The following TTK variants were observed in gnomAD, a reference collection of about 807,000 sequenced individuals.
TTK encodes dual specificity protein kinase TTK.
Under a neutral mutation model 117.3 loss-of-function variants are expected in TTK, and 59 were observed. The ratio of observed to expected loss-of-function variants is 0.50; its 90% CI spans 0.41 to 0.62. The LOEUF (loss-of-function observed/expected upper bound fraction) is 0.62, where lower values mean the gene tolerates loss of function less well. Among genes scored for constraint, TTK ranks in the 20% least tolerant of loss-of-function variants. The probability of loss-of-function intolerance (pLI) is 0.00; values close to 1 mark genes in which losing one functional copy is unlikely to be tolerated. For synonymous variants in TTK, 302 were observed against 325.0 expected (o/e 0.93, Z 0.76); for missense variants, 921 against 989.4 (o/e 0.93, Z 0.93).
intron 21 of TTK, among the ~76,000 whole-genome samples, chr6:80,041,055 T>C (rs888709572): frequency 6.6e-6 from 1 of 151,802 alleles, no homozygotes; most frequent in Non-Finnish European, 1.5e-5. Context: ...AGTTTTTTCC[T>C]TAGAGACATT....
At chr6:80,023,811 G>T (rs1307207448) in intron 11 of TTK, among the ~76,000 whole-genome samples, 1 of 152,000 alleles carries the variant, frequency 6.6e-6, no homozygotes, top group Non-Finnish European at 1.5e-5. Flanking sequence ...TACAGTCTCT[G>T]GAAAACTCCT....
chr6:80,013,410 C>T, intron 9 of TTK, 44 bp downstream of exon 9: 2 of 1,476,042 alleles, frequency 1.4e-6, no homozygotes, highest in Non-Finnish European at 1.9e-6. Flanking sequence ...GGTTCCTGAT[C>T]TGGGAGGATC....
chr6:80,037,180 A>T (rs1003045248), intron 17 of TTK, among the ~76,000 whole-genome samples: 6 of 152,158 alleles, frequency 3.9e-5, no homozygotes, highest in Non-Finnish European at 7.4e-5. Context: ...TGGAACCAAG[A>T]TGATATGTTC....
intron 19 of TTK, 22 bp downstream of exon 19, chr6:80,039,894 T>C (rs1210336171): frequency 6.9e-7 from 1 of 1,448,272 alleles, no homozygotes; most frequent in East Asian, 2.6e-5. Context: ...TTCATGTAAC[T>C]AATTATTTAC....
At position 80,040,289 on chromosome 6, in the gene TTK, T is replaced by A. The variant is rs138798852; in HGVS notation, c.2392+9T>A. On this transcript the variant is annotated intron_variant, in intron 20 of 21. Transcript: ENST00000369798. ...AATTCAAACTCATCCAGGTACTACTTCTTTAAAAATTTGTTTATTACTAGA... is the reference window on the plus strand; with the variant it reads ...AATTCAAACTCATCCAGGTACTACTACTTTAAAAATTTGTTTATTACTAGA... The A allele has an allele frequency of 9.5e-3, 14,840 of 1,565,432 alleles. 111 individuals are homozygous for A. Among genetic ancestry groups the A allele is most frequent in the South Asian group, 0.014 (1,110 of 80,056 alleles).
At chr6:80,008,284 A>G in intron 3 of TTK, 102 bp from the exon 4 acceptor site, 1 of 1,196,510 alleles carries the variant, frequency 8.4e-7, no homozygotes, top group Non-Finnish European at 1.2e-6. Flanking sequence ...ACCCACAGAA[A>G]AAAGCAATAT....
At position 80,008,428 on chromosome 6, in the gene TTK, C is replaced by G. The variant is rs1036408059; in HGVS notation, c.405C>G (p.Ala135=). Residue 135 remains alanine, a synonymous_variant, in exon 4 of 22, where the codon GCC becomes GCG. Transcript: ENST00000369798. Reference sequence around the variant, plus strand: ...ATGCACGTGACTACTTTCAAATGGCCAGAGCAAACTGCAAGAAATTTGCTT... The same window carrying G: ...ATGCACGTGACTACTTTCAAATGGCGAGAGCAAACTGCAAGAAATTTGCTT... ...PDDARDYFQM[A]RANCKKFAFV... 1.4e-5 allele frequency: 22 copies of G among 1,612,180 alleles called. No individual in the cohort carries two copies. In the East Asian group the frequency reaches 4.9e-4, roughly 36 times the overall value.
intron 12 of TTK, 114 bp downstream of exon 12, chr6:80,026,628 C>T (rs1767615471): frequency 7.0e-7 from 1 of 1,418,652 alleles, no homozygotes; most frequent in Non-Finnish European, 9.6e-7. Context: ...AAAGACTTTC[C>T]ATCTTCATAT....
intron 10 of TTK, among the ~76,000 whole-genome samples, chr6:80,019,163 G>A (rs1372932951): frequency 6.6e-6 from 1 of 152,234 alleles, no homozygotes; most frequent in East Asian, 1.9e-4. Context: ...TATTGTTGAG[G>A]CGTTTTGTTT....
intron 10 of TTK, among the ~76,000 whole-genome samples, chr6:80,021,670 A>G (rs1235957543): frequency 6.6e-6 from 1 of 152,090 alleles, no homozygotes; most frequent in Non-Finnish European, 1.5e-5. Context: ...TCTTGTTGTG[A>G]TAGTTATATT....
intron 10 of TTK, among the ~76,000 whole-genome samples, chr6:80,015,122 G>A (rs1429453867): frequency 2.6e-5 from 4 of 152,180 alleles, no homozygotes; most frequent in Admixed American, 1.3e-4. Flanking sequence ...AACTAATTTG[G>A]TTTAGGAGAA....
At position 80,042,363 on chromosome 6, in the gene TTK, G is replaced by A. The variant is rs906364957; in HGVS notation, c.*161G>A. 2 of 493,968 alleles carry A rather than the reference G, an allele frequency of 4.0e-6. No homozygotes were observed. The highest frequency in any genetic ancestry group is 6.9e-5 in the Admixed American group (2 of 28,992). The allele number at this position is 493,968 out of a possible 1,614,324, so 30.6% of individuals were successfully genotyped here. A position where few individuals can be genotyped will look rare whatever the true frequency, so the allele number is the denominator to read the frequency against. ...TCTTTAAAAGAAAACTGTAAAAATA[G>A]CAACCACTTATGGCACTGTATATAT... On this transcript the variant is annotated 3_prime_UTR_variant, in exon 22 of 22. Transcript: ENST00000369798.
chr6:80,035,153 T>C lies in TTK; in HGVS notation c.1772+11T>C. ...CCGACTTTATGATTAGTAAGAATTC[T>C]TTTTAAATTTAAAAAGAAAACTTTT... On this transcript the variant is annotated intron_variant, in intron 15 of 21. Coordinates refer to ENST00000369798, the MANE Select transcript of TTK (RefSeq NM_003318.5). 1.3e-6 allele frequency: 2 copies of C among 1,544,484 alleles called. No individual in the cohort carries two copies. Among genetic ancestry groups the C allele is most frequent in the Non-Finnish European group, 1.7e-6 (2 of 1,150,888 alleles).
intron 11 of TTK, 125 bp downstream of exon 11, chr6:80,022,597 A>G (rs1342263460): frequency 1.1e-5 from 12 of 1,113,076 alleles, no homozygotes; most frequent in Non-Finnish European, 1.5e-5. Context: ...GTTTATTTAA[A>G]GGTTTTTAAA....
chr6:80,010,824 A>T lies in TTK; in HGVS notation c.480A>T (p.Lys160Asn). The T allele has an allele frequency of 6.2e-7, 1 of 1,610,286 alleles. No homozygotes were observed. The highest frequency in any genetic ancestry group is 8.5e-7 in the Non-Finnish European group (1 of 1,177,574). Residue 160 changes from lysine (K) to asparagine (N), a missense_variant, in exon 5 of 22, where the codon AAA becomes AAT. Coordinates refer to ENST00000369798, the MANE Select transcript of TTK (RefSeq NM_003318.5). ...AQFELSQGNV[K>N]KSKQLLQKAV... ...CTTTTGCTTTGTTAGGTAATGTCAA[A>T]AAAAGTAAACAACTTCTTCAAAAAG...
intron 11 of TTK, 83 bp from the exon 12 acceptor site, chr6:80,026,295 T>A (rs1310089330): frequency 3.6e-6 from 5 of 1,395,324 alleles, no homozygotes; most frequent in Non-Finnish European, 4.8e-6. Context: ...TTATTTTATT[T>A]TAAAAGTTAT....
At position 80,035,253 on chromosome 6, in the gene TTK, T is replaced by C; in HGVS notation, c.1773-13T>C. 1 of 1,573,058 alleles carries C rather than the reference T, an allele frequency of 6.4e-7. No individual in the cohort carries two copies. Among genetic ancestry groups the C allele is most frequent in the Non-Finnish European group, 8.6e-7 (1 of 1,163,724 alleles). On this transcript the variant is annotated splice_polypyrimidine_tract_variant and intron_variant, in intron 15 of 21. Coordinates refer to ENST00000369798, the MANE Select transcript of TTK (RefSeq NM_003318.5). Reference sequence around the variant, plus strand: ...CATTTATTGTTTTGTTGCTTTTATTTGTTTAATTGCAGTGAAATCACGGAC... The same window carrying C: ...CATTTATTGTTTTGTTGCTTTTATTCGTTTAATTGCAGTGAAATCACGGAC...
chr6:80,034,018 G>A (rs1002505366), intron 14 of TTK, among the ~76,000 whole-genome samples: 2 of 152,040 alleles, frequency 1.3e-5, no homozygotes, highest in Non-Finnish European at 2.9e-5. Flanking sequence ...TATAATGAAG[G>A]TGTAAGCTTA....
In TTK at chr6:80,036,400, C is replaced by T. The variant is rs1207345972; in HGVS notation, c.1925-75C>T. ...AATTGAAGGAATAAATACAGCTTGA[C>T]CTGTAGACTGTGAATTTTTTGGTCC... On this transcript the variant is annotated intron_variant, in intron 16 of 21. Coordinates refer to ENST00000369798, the MANE Select transcript of TTK (RefSeq NM_003318.5). 16 of 1,503,532 alleles carry T rather than the reference C, an allele frequency of 1.1e-5. 1 individual carries two copies. 93.1% of individuals were successfully genotyped at this position (1,503,532 alleles called of 1,614,324 possible).
Sources: allele counts gnomAD v4.1 joint callset (sites outside exome capture counted in the v4.1 genomes callset), GRCh38; gene constraint gnomAD v4.1.1; transcripts MANE v1.5; gene names NCBI Gene and HGNC (gene_info 2026-07-23, HGNC 2026-07-21).